The following RIMS1 variants were observed in gnomAD, a reference collection of about 807,000 sequenced individuals.
RIMS1 encodes the protein regulating synaptic membrane exocytosis protein 1.
Under a neutral mutation model 214.1 loss-of-function variants are expected in RIMS1, and 83 were observed. That is an observed-to-expected ratio of 0.39 (90% CI 0.32 to 0.47). RIMS1 has a LOEUF of 0.47. Ranked by LOEUF, RIMS1 falls within the 20% of genes least tolerant of loss-of-function variation. The probability of loss-of-function intolerance (pLI) is 0.99; values close to 1 mark genes in which losing one functional copy is unlikely to be tolerated. For synonymous variants in RIMS1, 793 were observed against 786.8 expected, an observed-to-expected ratio of 1.01 and a Z score of -0.13; for missense variants, 2,050 against 2,161.8, an observed-to-expected ratio of 0.95 and a Z score of 1.03.
chr6:71,943,524 T>C (rs867086128), intron 1 of RIMS1, among the ~76,000 whole-genome samples: 9 of 152,180 alleles, frequency 5.9e-5, no homozygotes, highest in Admixed American at 2.0e-4. Context: ...ATTTGTTGAA[T>C]TTTTACCTGT....
At chr6:72,367,240 T>C (rs990479229) in intron 29 of RIMS1, among the ~76,000 whole-genome samples, 7 of 152,176 alleles carry the variant, frequency 4.6e-5, no homozygotes, top group Non-Finnish European at 8.8e-5. Flanking sequence ...TATCATAAAG[T>C]TATATTTTTC....
chr6:72,052,630 A>T (rs1385280178), intron 2 of RIMS1, among the ~76,000 whole-genome samples: 1 of 152,206 alleles, frequency 6.6e-6, no homozygotes, highest in Non-Finnish European at 1.5e-5. Flanking sequence ...TGTCACTTGC[A>T]TACATTGGGC....
chr6:72,120,370 A>G lies in RIMS1; in HGVS notation c.471+20384A>G, dbSNP rs1015822475. 3.2e-4 allele frequency among the ~76,000 whole-genome samples: 49 copies of G among 151,778 alleles called. 4 individuals carry two copies. Among genetic ancestry groups the G allele is most frequent in the South Asian group, 2.1e-4 (1 of 4,804 alleles). On this transcript the variant is annotated intron_variant, in intron 4 of 33. Transcript: ENST00000521978. ...TCTAACTGGTGTGAGATGGTATCTCATTGTGGTTTTGATTTGCATTTCTCT... is the reference window on the plus strand; with the variant it reads ...TCTAACTGGTGTGAGATGGTATCTCGTTGTGGTTTTGATTTGCATTTCTCT...
At chr6:72,387,233 T>G (rs1043240713) in intron 29 of RIMS1, among the ~76,000 whole-genome samples, 10 of 152,224 alleles carry the variant, frequency 6.6e-5, no homozygotes, top group African/African-American at 2.4e-4. Flanking sequence ...GCCATATTGT[T>G]GATCCTCTTA....
intron 6 of RIMS1, among the ~76,000 whole-genome samples, chr6:72,225,431 G>C (rs1589613363): frequency 6.6e-6 from 1 of 151,896 alleles, no homozygotes; most frequent in Non-Finnish European, 1.5e-5. Flanking sequence ...AAATTGATTT[G>C]ACATTCAGAA....
chr6:72,079,199 A>G (rs1832672704), intron 2 of RIMS1, among the ~76,000 whole-genome samples: 1 of 152,326 alleles, frequency 6.6e-6, no homozygotes, highest in Admixed American at 6.5e-5. Context: ...TTGAAGGAAC[A>G]CTACTTACAT....
At chr6:71,945,916 A>C (rs146731809) in intron 1 of RIMS1, among the ~76,000 whole-genome samples, 1 of 152,188 alleles carries the variant, frequency 6.6e-6, no homozygotes, top group Non-Finnish European at 1.5e-5. Context: ...CGCTCAGCTA[A>C]TTTTTGTATT....
At chr6:72,191,561 C>T (rs2050079761) in intron 6 of RIMS1, among the ~76,000 whole-genome samples, 1 of 152,202 alleles carries the variant, frequency 6.6e-6, no homozygotes. Context: ...AAGATTATGA[C>T]ACAAAACCAG....
At chr6:72,192,116 G>A (rs1489850723) in intron 6 of RIMS1, among the ~76,000 whole-genome samples, 3 of 152,164 alleles carry the variant, frequency 2.0e-5, no homozygotes, top group African/African-American at 4.8e-5. Context: ...TGGGGAAATG[G>A]CCACAGGATG....
chr6:72,196,858 G>A (rs927027257), intron 6 of RIMS1, among the ~76,000 whole-genome samples: 4 of 151,318 alleles, frequency 2.6e-5, no homozygotes, highest in Admixed American at 6.6e-5. Context: ...GCATCTTTGT[G>A]AAGACTTCAG....
intron 4 of RIMS1, among the ~76,000 whole-genome samples, chr6:72,150,195 C>A (rs1182928666): frequency 1.5e-3 from 220 of 144,294 alleles, no homozygotes; most frequent in African/African-American, 2.2e-3. Flanking sequence ...TGTGAGTATG[C>A]AAAAAAAAAA....
chr6:72,235,832 A>G (rs961021135), intron 8 of RIMS1, 104 bp downstream of exon 8: 9 of 503,818 alleles, frequency 1.8e-5, no homozygotes, highest in Admixed American at 4.0e-5. Flanking sequence ...TAAATATTTT[A>G]TATAATTTTA....
At chr6:72,104,817 A>T (rs570450703) in intron 4 of RIMS1, among the ~76,000 whole-genome samples, 25 of 152,196 alleles carry the variant, frequency 1.6e-4, no homozygotes, top group Admixed American at 1.4e-3. Flanking sequence ...AATTTTTATT[A>T]GTTGTAGTTG....
In RIMS1 at chr6:72,350,669, T is replaced by G. The variant is rs180983073; in HGVS notation, c.4366+16834T>G. Among the ~76,000 whole-genome samples the G allele has an allele frequency of 2.6e-5, 4 of 152,288 alleles. No homozygotes were observed. In the East Asian group the frequency reaches 7.7e-4, roughly 29 times the overall value. On this transcript the variant is annotated intron_variant, in intron 29 of 33. Transcript: ENST00000521978. Reference sequence around the variant, plus strand: ...GCGTTTGAAAATATCCTATGCCCTTTAGAATTTGGCACTGAGCACTCTTTA... The same window carrying G: ...GCGTTTGAAAATATCCTATGCCCTTGAGAATTTGGCACTGAGCACTCTTTA...
chr6:72,205,481 G>C (rs1378971401), intron 6 of RIMS1, among the ~76,000 whole-genome samples: 1 of 152,108 alleles, frequency 6.6e-6, no homozygotes, highest in Non-Finnish European at 1.5e-5. Flanking sequence ...GGACTTTGGG[G>C]AAACTGAGTT....
chr6:72,372,123 T>G (rs2098239012), intron 29 of RIMS1, among the ~76,000 whole-genome samples: 1 of 152,192 alleles, frequency 6.6e-6, no homozygotes, highest in African/African-American at 2.4e-5. Flanking sequence ...GAAGCCTGTT[T>G]GAAATTTCTG....
chr6:72,371,938 T>C (rs1303905172), intron 29 of RIMS1, among the ~76,000 whole-genome samples: 2 of 152,222 alleles, frequency 1.3e-5, no homozygotes, highest in Non-Finnish European at 2.9e-5. Flanking sequence ...TGGAATTCTT[T>C]ATGAATATAA....
intron 1 of RIMS1, among the ~76,000 whole-genome samples, chr6:71,924,330 C>T (rs1780908825): frequency 6.6e-6 from 1 of 152,114 alleles, no homozygotes; most frequent in Non-Finnish European, 1.5e-5. Context: ...TTTGCCCACC[C>T]AGTAACCAGC....
chr6:72,358,996 TCTC>T (rs895339691), intron 29 of RIMS1, among the ~76,000 whole-genome samples: 3 of 152,202 alleles, frequency 2.0e-5, no homozygotes, highest in African/African-American at 4.8e-5. Flanking sequence ...CATTCTTTAA[TCTC>T]CTATTTATTG....
Sources: gnomAD v4.1 joint callset for allele counts (sites outside exome capture counted in the v4.1 genomes callset) on GRCh38, gnomAD v4.1.1 for gene constraint, MANE v1.5 for transcripts, NCBI Gene and HGNC (gene_info 2026-07-23, HGNC 2026-07-21) for gene names.